Variants in WWC2 observed in about 807,000 individuals in gnomAD.
WWC2 encodes the protein protein WWC2.
WWC2 carries 101 observed loss-of-function variants against 138.5 expected under a neutral mutation model. That is an observed-to-expected ratio of 0.73 (90% CI 0.62 to 0.86). The LOEUF (loss-of-function observed/expected upper bound fraction) is 0.86. WWC2 is among the 40% of genes least tolerant of loss of function. The pLI is 0.00. For missense variants in WWC2, 1,420 were observed against 1,419.4 expected, an observed-to-expected ratio of 1.00 and a Z score of -0.01; for synonymous variants, 558 against 538.4, an observed-to-expected ratio of 1.04 and a Z score of -0.50.
rs73870356 is a variant in WWC2, at chr4:183,174,656, A to G, written c.132-18943A>G. On this transcript the variant is annotated intron_variant, in intron 1 of 22. Coordinates refer to ENST00000403733, the MANE Select transcript of WWC2 (RefSeq NM_024949.6). Reference sequence around the variant, plus strand: ...ATGAATTTTATCCTCCCAACTTTTTATTTTGAAAATTTTCAAACATAAGAA... The same window carrying G: ...ATGAATTTTATCCTCCCAACTTTTTGTTTTGAAAATTTTCAAACATAAGAA... 2.2e-3 allele frequency among the ~76,000 whole-genome samples: 329 copies of G among 152,278 alleles called. 1 individual carries two copies. The highest frequency in any genetic ancestry group is 7.5e-3 in the African/African-American group (311 of 41,560).
intron 1 of WWC2, among the ~76,000 whole-genome samples, chr4:183,151,611 G>A (rs1174910194): frequency 1.3e-5 from 2 of 152,176 alleles, no homozygotes; most frequent in African/African-American, 4.8e-5. Flanking sequence ...TGAAGTCCTT[G>A]TCCATGCCTA....
In WWC2 at chr4:183,315,818, G is replaced by C; in HGVS notation, c.*89G>C. 2.9e-6 allele frequency: 3 copies of C among 1,037,240 alleles called. No homozygotes were observed. Among genetic ancestry groups the C allele is most frequent in the Non-Finnish European group, 4.1e-6 (3 of 723,602 alleles). 64.3% of individuals were successfully genotyped at this position (1,037,240 alleles called of 1,614,324 possible). On this transcript the variant is annotated 3_prime_UTR_variant, in exon 23 of 23. Coordinates refer to ENST00000403733, the MANE Select transcript of WWC2 (RefSeq NM_024949.6). ...GATTTGTGTTTTTGTTTTGGTGTTT[G>C]GTTTTTTTTGGTAACGTAACTGTCA...
chr4:183,198,106 G>A (rs1735193442), intron 2 of WWC2, among the ~76,000 whole-genome samples: 1 of 152,190 alleles, frequency 6.6e-6, no homozygotes, highest in Non-Finnish European at 1.5e-5. Flanking sequence ...GGGAGGCTGA[G>A]GTGGGCAGAT....
intron 1 of WWC2, among the ~76,000 whole-genome samples, chr4:183,181,520 A>G (rs1425234441): frequency 1.3e-5 from 2 of 152,238 alleles, no homozygotes; most frequent in Non-Finnish European, 2.9e-5. Flanking sequence ...TGAAGCATCA[A>G]TAAATACAGT....
At chr4:183,226,628 A>G (rs1389525366) in intron 4 of WWC2, among the ~76,000 whole-genome samples, 2 of 152,032 alleles carry the variant, frequency 1.3e-5, no homozygotes, top group Non-Finnish European at 2.9e-5. Flanking sequence ...AATGGTTACA[A>G]TAGAATAGCT....
chr4:183,248,618 A>T, intron 6 of WWC2, 96 bp from the exon 7 acceptor site: 1 of 1,294,048 alleles, frequency 7.7e-7, no homozygotes, highest in African/African-American at 1.5e-5. Flanking sequence ...GTTTTTTTCC[A>T]TTGAGATTAG....
chr4:183,170,944 T>C (rs1177094820), intron 1 of WWC2, among the ~76,000 whole-genome samples: 3 of 152,120 alleles, frequency 2.0e-5, no homozygotes, highest in Admixed American at 2.0e-4. Context: ...TCTCCTATTA[T>C]GACATTTAGA....
chr4:183,299,760 T>C (rs1477321015), intron 21 of WWC2, among the ~76,000 whole-genome samples: 1 of 152,094 alleles, frequency 6.6e-6, no homozygotes, highest in Non-Finnish European at 1.5e-5. Flanking sequence ...TTCATCTCCA[T>C]CATTTCCCTG....
chr4:183,300,748 AG>A (rs1424669886), intron 21 of WWC2, among the ~76,000 whole-genome samples: 3 of 143,290 alleles, frequency 2.1e-5, no homozygotes, highest in Non-Finnish European at 3.1e-5. Context: ...TTCCCTGGTC[AG>A]CTTTTTTTTT....
intron 9 of WWC2, among the ~76,000 whole-genome samples, chr4:183,256,903 C>G (rs934489128): frequency 1.4e-3 from 140 of 99,388 alleles, no homozygotes; most frequent in African/African-American, 5.2e-3. Flanking sequence ...CCCCCCCCCC[C>G]GGCTCTGTTC....
intron 1 of WWC2, among the ~76,000 whole-genome samples, chr4:183,191,615 G>A (rs201311375): frequency 4.6e-5 from 7 of 152,126 alleles, no homozygotes; most frequent in East Asian, 1.9e-4. Flanking sequence ...GGTGGTTCCC[G>A]CACTTTAGTG....
chr4:183,292,489 G>A (rs750924705), intron 21 of WWC2, among the ~76,000 whole-genome samples: 10 of 151,898 alleles, frequency 6.6e-5, no homozygotes, highest in South Asian at 2.1e-4. Flanking sequence ...TGAGTGACAG[G>A]AAAAAACAGT....
chr4:183,134,749 G>A (rs970907015), intron 1 of WWC2, among the ~76,000 whole-genome samples: 1 of 152,002 alleles, frequency 6.6e-6, no homozygotes, highest in African/African-American at 2.4e-5. Context: ...TTGCTGAATT[G>A]TCCCTTTTAT....
intron 4 of WWC2, among the ~76,000 whole-genome samples, chr4:183,237,286 A>G (rs948809555): frequency 6.6e-6 from 1 of 150,824 alleles, no homozygotes; most frequent in Admixed American, 6.6e-5. Flanking sequence ...AGTGCTATCA[A>G]TTTTAGGACT....
intron 2 of WWC2, 150 bp from the exon 3 acceptor site, chr4:183,207,802 TA>T: frequency 1.5e-6 from 1 of 658,700 alleles, no homozygotes; most frequent in Non-Finnish European, 2.4e-6. Context: ...CTGGGTAAAA[TA>T]AAACTAAAAT....
At chr4:183,277,551 A>G (rs1185215496) in intron 16 of WWC2, among the ~76,000 whole-genome samples, 1 of 148,380 alleles carries the variant, frequency 6.7e-6, no homozygotes, top group Non-Finnish European at 1.5e-5. Context: ...CTGAGGAATC[A>G]CCACACTGAC....
At chr4:183,269,219 G>A (rs1050573175) in intron 15 of WWC2, 56 bp downstream of exon 15, 26 of 1,543,198 alleles carry the variant, frequency 1.7e-5, no homozygotes, top group Non-Finnish European at 2.2e-5. Flanking sequence ...GTGGTCTGAG[G>A]ATATACTTTG....
intron 1 of WWC2, among the ~76,000 whole-genome samples, chr4:183,188,643 CTTTTTTTT>C (rs11341026): frequency 2.5e-5 from 2 of 79,754 alleles, no homozygotes; most frequent in Non-Finnish European, 5.0e-5. Flanking sequence ...TTGCTCCTTT[CTTTTTTTT>C]TTTTTTTTTT....
chr4:183,280,704 C>A lies in WWC2; in HGVS notation c.2563-72C>A, dbSNP rs1006737438. On this transcript the variant is annotated intron_variant, in intron 16 of 22. Transcript: ENST00000403733. ...GTCTTTACAGATAGAAGTGTAAATT[C>A]CCATCTGCTGAGTTTTTAAGTCATT... 15 of 1,469,306 alleles carry A rather than the reference C, an allele frequency of 1.0e-5. No homozygotes were observed. The African/African-American group carries it at 1.7e-4, about 17-fold the overall frequency. 91.0% of individuals were successfully genotyped at this position (1,469,306 alleles called of 1,614,324 possible).
Sources: allele counts gnomAD v4.1 joint callset (sites outside exome capture counted in the v4.1 genomes callset), GRCh38; gene constraint gnomAD v4.1.1; transcripts MANE v1.5; gene names NCBI Gene and HGNC (gene_info 2026-07-23, HGNC 2026-07-21).